CADPS: variants seen among roughly 807,000 people sequenced by gnomAD.
The protein encoded by CADPS is calcium dependent secretion activator.
Under a neutral mutation model 167.3 loss-of-function variants are expected in CADPS, and 57 were observed. The observed-to-expected ratio is 0.34, with a 90% CI of 0.28 to 0.42. The LOEUF (loss-of-function observed/expected upper bound fraction) is 0.42, where lower values mean the gene tolerates loss of function less well. Ranked by LOEUF, CADPS falls within the 20% of genes least tolerant of loss-of-function variation. The pLI is 1.00. For missense variants in CADPS, 1,414 were observed against 1,738.1 expected (o/e 0.81, Z 3.32); for synonymous variants, 676 against 635.3 (o/e 1.06, Z -0.96).
At chr3:62,624,450 A>C (rs1324489524) in intron 6 of CADPS, among the ~76,000 whole-genome samples, 1 of 152,140 alleles carries the variant, frequency 6.6e-6, no homozygotes, top group South Asian at 2.1e-4. Context: ...TCTGTTAAGT[A>C]TACAGCTTTG....
intron 1 of CADPS, among the ~76,000 whole-genome samples, chr3:62,785,926 A>T (rs76031057): frequency 0.018 from 2,762 of 152,126 alleles, 35 homozygotes; most frequent in East Asian, 0.054. Context: ...AAAAAAAAAA[A>T]AAAGGGCCAG....
rs191702327 is a variant in CADPS at position 62,446,354 on chromosome 3, G to C, written c.3637-557C>G. On this transcript the variant is annotated intron_variant, in intron 26 of 29. Coordinates refer to ENST00000383710, the MANE Select transcript of CADPS (RefSeq NM_003716.4). The surrounding 1 kb of genome is among the most constrained non-coding windows in gnomAD (Gnocchi z 4.9). ...GCCGTTATGTCTCCTGCTTTTACGTGCTAAAAATTCCAGATGGGAAGTGCA... is the reference window on the plus strand; with the variant it reads ...GCCGTTATGTCTCCTGCTTTTACGTCCTAAAAATTCCAGATGGGAAGTGCA... 5.3e-5 allele frequency among the ~76,000 whole-genome samples: 8 copies of C among 152,258 alleles called. No homozygotes were observed. The East Asian group carries it at 1.5e-3, about 29-fold the overall frequency.
At chr3:62,852,305 C>T (rs1331826312) in intron 1 of CADPS, among the ~76,000 whole-genome samples, 1 of 152,062 alleles carries the variant, frequency 6.6e-6, no homozygotes, top group Non-Finnish European at 1.5e-5. Context: ...CAGCTTTGTT[C>T]CGTTGCTGGT....
intron 1 of CADPS, among the ~76,000 whole-genome samples, chr3:62,845,017 C>G (rs773922389): frequency 6.6e-6 from 1 of 152,174 alleles, no homozygotes; most frequent in East Asian, 1.9e-4. Flanking sequence ...GAAACTGTCA[C>G]GGAAACTCGT....
rs1240887301 is a variant in CADPS, at chr3:62,874,142, T to C, written c.441+447A>G. Reference sequence around the variant, plus strand: ...CCACCTCGGCGCCCCCACCTGCCGTTGCCCCCGCCCGCCGAACGCACGCCC... The same window carrying C: ...CCACCTCGGCGCCCCCACCTGCCGTCGCCCCCGCCCGCCGAACGCACGCCC... On this transcript the variant is annotated intron_variant, in intron 1 of 29. Transcript: ENST00000383710. This position sits in a 1 kb window ranked among gnomAD's most constrained non-coding sequence, Gnocchi z 7.1. 6.6e-6 allele frequency among the ~76,000 whole-genome samples: 1 copy of C among 152,138 alleles called. No individual in the cohort carries two copies. Among genetic ancestry groups the C allele is most frequent in the Admixed American group, 6.5e-5 (1 of 15,288 alleles).
intron 1 of CADPS, among the ~76,000 whole-genome samples, chr3:62,802,232 G>T (rs2093812915): frequency 1.3e-5 from 2 of 152,136 alleles, no homozygotes; most frequent in South Asian, 4.1e-4. Flanking sequence ...ATGCACACAT[G>T]TGCACACACA....
Position 62,539,961 on chromosome 3 carries a change from G to A in CADPS, c.1967-3380C>T, listed in dbSNP as rs558320221. Among the ~76,000 whole-genome samples the A allele has an allele frequency of 3.3e-5, 5 of 152,188 alleles. 1 individual carries two copies. The South Asian group carries it at 1.0e-3, about 32-fold the overall frequency. On this transcript the variant is annotated intron_variant, in intron 11 of 29. Coordinates refer to ENST00000383710, the MANE Select transcript of CADPS (RefSeq NM_003716.4). ...GCCTCCTTGGCCTCATTTGTAAAATGAAGTTAAATTCAAGTCCACCTTCAG... is the reference window on the plus strand; with the variant it reads ...GCCTCCTTGGCCTCATTTGTAAAATAAAGTTAAATTCAAGTCCACCTTCAG...
chr3:62,762,287 C>G lies in CADPS; in HGVS notation c.555+3584G>C, dbSNP rs115348801. ...CAATAAAAAGTAATATAAATAAAACCAATATAGTATGACAACAATTAACAT... is the reference window on the plus strand; with the variant it reads ...CAATAAAAAGTAATATAAATAAAACGAATATAGTATGACAACAATTAACAT... On this transcript the variant is annotated intron_variant, in intron 2 of 29. Coordinates refer to ENST00000383710, the MANE Select transcript of CADPS (RefSeq NM_003716.4). Among the ~76,000 whole-genome samples, 555 of 152,082 alleles carry G rather than the reference C, an allele frequency of 3.6e-3. 3 individuals are homozygous for G. The highest frequency in any genetic ancestry group is 0.012 in the African/African-American group (512 of 41,480).
chr3:62,856,098 ATAAT>A (rs1488455111), intron 1 of CADPS, among the ~76,000 whole-genome samples: 1 of 152,194 alleles, frequency 6.6e-6, no homozygotes, highest in East Asian at 1.9e-4. Flanking sequence ...CTTGGAAAGT[ATAAT>A]TATTCTTGGT....
intron 1 of CADPS, among the ~76,000 whole-genome samples, chr3:62,769,578 C>T (rs570621175): frequency 1.3e-5 from 2 of 152,238 alleles, no homozygotes; most frequent in East Asian, 3.9e-4. Flanking sequence ...CTTGAGAATG[C>T]CTGCCTCTGG....
At chr3:62,451,372 G>A (rs183442897) in intron 26 of CADPS, among the ~76,000 whole-genome samples, 46 of 152,076 alleles carry the variant, frequency 3.0e-4, no homozygotes, top group African/African-American at 5.1e-4. Flanking sequence ...TAGGGAGCGC[G>A]GCAGGGGCTT....
chr3:62,540,170 C>A (rs1338053280), intron 11 of CADPS, among the ~76,000 whole-genome samples: 1 of 152,094 alleles, frequency 6.6e-6, no homozygotes, highest in African/African-American at 2.4e-5. Flanking sequence ...ATGTTCTATT[C>A]CTTCTTTGCT....
At chr3:62,692,886 C>A (rs568145946) in intron 3 of CADPS, among the ~76,000 whole-genome samples, 1 of 152,118 alleles carries the variant, frequency 6.6e-6, no homozygotes, top group Admixed American at 6.5e-5. Context: ...TACTTCAAAA[C>A]CATCCAGGTC....
In CADPS at chr3:62,421,560, GAAC is replaced by G. The variant is rs2051390123; in HGVS notation, c.3777+16541_3777+16543del. ...GCCACCATATCCCACTTTCTATAAG[GAAC>G]AACATGTTATAGACAGTAGTCTTGC... On this transcript the variant is annotated intron_variant, in intron 28 of 29. Transcript: ENST00000383710. The surrounding 1 kb of genome is among the most constrained non-coding windows in gnomAD (Gnocchi z 4.7). Among the ~76,000 whole-genome samples, 1 of 152,196 alleles carries G rather than the reference GAAC, an allele frequency of 6.6e-6. No individual in the cohort carries two copies. Among genetic ancestry groups the G allele is most frequent in the Admixed American group, 6.5e-5 (1 of 15,274 alleles).
chr3:62,549,972 T>G lies in CADPS; in HGVS notation c.1897A>C (p.Thr633Pro). ...TTGGCGTTGAGTTTCTGGACTTGGG[T>G]CGGGGGCACAGGCTTGTGTGACTGC... is the stretch of plus-strand genomic sequence containing the variant. ...TGQSHKPVPPTQVQKLNAKGG... is the reference protein window; with the variant it reads ...TGQSHKPVPPPQVQKLNAKGG... The change falls in exon 11 of 30, where the codon ACC (threonine) becomes CCC (proline). Residue 633 changes from threonine (T) to proline (P), a missense_variant. Physicochemically the swap from Thr to Pro is conservative, Grantham distance 38 (BLOSUM62 -1). Transcript: ENST00000383710. The G allele has an allele frequency of 1.2e-6, 2 of 1,614,042 alleles. No individual in the cohort carries two copies. Among genetic ancestry groups the G allele is most frequent in the Non-Finnish European group, 1.7e-6 (2 of 1,179,954 alleles).
Position 62,527,044 on chromosome 3 carries a change from A to C in CADPS, c.2291+5827T>G, listed in dbSNP as rs187131433. Among the ~76,000 whole-genome samples the C allele has an allele frequency of 2.0e-5, 3 of 152,272 alleles. No individual in the cohort carries two copies. In the East Asian group the frequency reaches 5.8e-4, roughly 29 times the overall value. Reference sequence around the variant, plus strand: ...GTGCAGATTCCCAGCTCCATTTAAGACTTGCCAAATGAAATTATTTGAGGA... The same window carrying C: ...GTGCAGATTCCCAGCTCCATTTAAGCCTTGCCAAATGAAATTATTTGAGGA... On this transcript the variant is annotated intron_variant, in intron 13 of 29. Transcript: ENST00000383710.
chr3:62,654,028 A>C (rs1184546056), intron 4 of CADPS, among the ~76,000 whole-genome samples: 1 of 152,228 alleles, frequency 6.6e-6, no homozygotes, highest in Non-Finnish European at 1.5e-5. Flanking sequence ...ATTCATCACA[A>C]AAGAATCTCA....
At chr3:62,793,986 C>A (rs1378591101) in intron 1 of CADPS, among the ~76,000 whole-genome samples, 1 of 152,176 alleles carries the variant, frequency 6.6e-6, no homozygotes, top group African/African-American at 2.4e-5. Context: ...GGGCTTCCAA[C>A]TCAATTATCC....
At chr3:62,783,173 G>A (rs1372323511) in intron 1 of CADPS, among the ~76,000 whole-genome samples, 1 of 152,162 alleles carries the variant, frequency 6.6e-6, no homozygotes, top group Non-Finnish European at 1.5e-5. Flanking sequence ...GGTGACCTAA[G>A]TCATCAGTCT....
Sources: gnomAD v4.1 joint callset for allele counts (sites outside exome capture counted in the v4.1 genomes callset) on GRCh38, gnomAD v4.1.1 for gene constraint, Gnocchi (gnomAD v3.1) non-coding constraint, MANE v1.5 for transcripts, NCBI Gene and HGNC (gene_info 2026-07-23, HGNC 2026-07-21) for gene names.